TCTN2: variants seen among roughly 807,000 people sequenced by gnomAD.
TCTN2 encodes the protein tectonic-2.
Under a neutral mutation model 83.4 loss-of-function variants are expected in TCTN2, and 66 were observed. The ratio of observed to expected loss-of-function variants is 0.79; its 90% CI spans 0.65 to 0.97. The LOEUF (loss-of-function observed/expected upper bound fraction) is 0.97. TCTN2 is among the 50% of genes least tolerant of loss of function. The pLI, the probability that TCTN2 is intolerant of heterozygous loss-of-function variation, is 0.00. For synonymous variants in TCTN2, 301 were observed against 326.7 expected, an observed-to-expected ratio of 0.92 and a Z score of 0.85; for missense variants, 794 against 858.1, an observed-to-expected ratio of 0.93 and a Z score of 0.93.
At chr12:123,703,154 ATTTTG>A (rs1300336693) in intron 14 of TCTN2, among the ~76,000 whole-genome samples, 1 of 151,516 alleles carries the variant, frequency 6.6e-6, no homozygotes, top group Non-Finnish European at 1.5e-5. Context: ...GTTAGTGTGG[ATTTTG>A]TTTTATTATT....
intron 4 of TCTN2, among the ~76,000 whole-genome samples, chr12:123,675,225 A>G (rs889676621): frequency 1.3e-5 from 2 of 152,170 alleles, no homozygotes; most frequent in Admixed American, 6.5e-5. Context: ...GCCCGTGTAC[A>G]TGAATCTTTG....
At chr12:123,692,756 CA>C in intron 9 of TCTN2, 33 bp downstream of exon 9, 1 of 1,512,116 alleles carries the variant, frequency 6.6e-7, no homozygotes, top group Non-Finnish European at 9.2e-7. Flanking sequence ...GTCATTTCTT[CA>C]GAAACAGATA....
At chr12:123,694,748 T>G in intron 9 of TCTN2, 94 bp from the exon 10 acceptor site, 1 of 1,424,134 alleles carries the variant, frequency 7.0e-7, no homozygotes, top group Non-Finnish European at 9.9e-7. Flanking sequence ...GGCAGGGCAC[T>G]TGGGGAAGGC....
At chr12:123,675,838 A>G (rs2135819024) in intron 4 of TCTN2, among the ~76,000 whole-genome samples, 1 of 152,272 alleles carries the variant, frequency 6.6e-6, no homozygotes, top group South Asian at 2.1e-4. Flanking sequence ...TGTGTTACCC[A>G]CTTAAAAGTT....
chr12:123,696,174 ATT>A (rs11337232), intron 11 of TCTN2: 2,039 of 433,842 alleles, frequency 4.7e-3, no homozygotes, highest in Non-Finnish European at 6.1e-3. Flanking sequence ...ATAACAATGT[ATT>A]TTTTTTTTTT....
intron 15 of TCTN2, among the ~76,000 whole-genome samples, chr12:123,706,409 G>A (rs1018226366): frequency 6.6e-6 from 1 of 152,204 alleles, no homozygotes; most frequent in Non-Finnish European, 1.5e-5. Context: ...GAGAAAAACA[G>A]GTGATGAACA....
intron 14 of TCTN2, chr12:123,700,014 C>G (rs1286041272): frequency 4.7e-6 from 3 of 633,474 alleles, no homozygotes; most frequent in East Asian, 5.6e-5. Flanking sequence ...TTTTGATTTT[C>G]TGTTTTTGTT....
rs1325006397 is a variant in TCTN2 at position 123,674,852 on chromosome 12, G to C, written c.463+1042G>C. On this transcript the variant is annotated intron_variant, in intron 4 of 17. Coordinates refer to ENST00000303372, the MANE Select transcript of TCTN2 (RefSeq NM_024809.5). ...GCTGATGAAGTTTACATCATTTCCA[G>C]CTTTTTTTAAAATTTATTTTTATTT... is the stretch of plus-strand genomic sequence containing the variant. Among the ~76,000 whole-genome samples, 9 of 152,068 alleles carry C rather than the reference G, an allele frequency of 5.9e-5. No homozygotes were observed. The East Asian group carries it at 1.7e-3, about 29-fold the overall frequency.
At chr12:123,695,195 A>T (rs1263694383) in intron 10 of TCTN2, 25 bp from the exon 11 acceptor site, 22 of 1,486,114 alleles carry the variant, frequency 1.5e-5, no homozygotes, top group African/African-American at 1.2e-4. Context: ...GGTGCACATT[A>T]TATTTTATTT....
At chr12:123,688,751 A>G (rs1359429881) in intron 7 of TCTN2, among the ~76,000 whole-genome samples, 3 of 151,204 alleles carry the variant, frequency 2.0e-5, no homozygotes, top group East Asian at 1.9e-4. Context: ...GGAAGTACCT[A>G]TCATTCTTTT....
intron 4 of TCTN2, among the ~76,000 whole-genome samples, chr12:123,675,219 G>A (rs7302649): frequency 0.36 from 54,352 of 152,080 alleles, 10,193 homozygotes; most frequent in African/African-American, 0.41. Flanking sequence ...CGTTATGCCC[G>A]TGTACATGAA....
chr12:123,705,982 C>T (rs1956224077), intron 15 of TCTN2, among the ~76,000 whole-genome samples: 1 of 151,906 alleles, frequency 6.6e-6, no homozygotes, highest in Non-Finnish European at 1.5e-5. Flanking sequence ...TCTTGAACTC[C>T]CAACCTGAGG....
Position 123,673,686 on chromosome 12 carries a change from C to G in TCTN2, c.339C>G (p.Phe113Leu), listed in dbSNP as rs776909705. The G allele has an allele frequency of 1.2e-6, 2 of 1,614,214 alleles. No individual in the cohort carries two copies. Among genetic ancestry groups the G allele is most frequent in the East Asian group, 2.2e-5 (1 of 44,888 alleles). The change falls in exon 4 of 18, where the codon TTC becomes TTG. Residue 113 changes from phenylalanine (F) to leucine (L), a missense_variant. By Grantham distance (22) the Phe-to-Leu change is conservative (BLOSUM62 0). Coordinates refer to ENST00000303372, the MANE Select transcript of TCTN2 (RefSeq NM_024809.5). Reference sequence around the variant, plus strand: ...GTTCCTCCAATGAGACAGATTCCTTCTCAGAGTCCCCCTGTATCCTCCAGA... The same window carrying G: ...GTTCCTCCAATGAGACAGATTCCTTGTCAGAGTCCCCCTGTATCCTCCAGA... ...DWCSSNETDS[F>L]SESPCILQTL...
intron 9 of TCTN2, among the ~76,000 whole-genome samples, chr12:123,693,376 C>CTTTTTTTTTTTTTTTTTT (rs373196834): frequency 5.4e-5 from 5 of 92,942 alleles, no homozygotes; most frequent in Non-Finnish European, 8.2e-5. Context: ...GCTTTCTTTC[C>CTTTTTTTTTTTTTTTTTT]TTTTTTTTTT....
rs373661190 is a variant in TCTN2, at chr12:123,671,603, A to G, written c.179A>G (p.Gln60Arg). The G allele has an allele frequency of 2.5e-6, 4 of 1,612,784 alleles. No homozygotes were observed. The highest frequency in any genetic ancestry group is 3.4e-6 in the Non-Finnish European group (4 of 1,179,934). ...GTGACCGTGTCCCTGGCAGTGCTGC[A>G]GGACGAGGCGGGTAAAGTCCGGCCC... ...EGVTVSLAVL[Q>R]DEAGILPIPT... Residue 60 changes from glutamine (Q) to arginine (R), a missense_variant, in exon 2 of 18, where the codon CAG (glutamine) becomes CGG (arginine). Coordinates refer to ENST00000303372, the MANE Select transcript of TCTN2 (RefSeq NM_024809.5).
intron 14 of TCTN2, 79 bp from the exon 15 acceptor site, chr12:123,704,453 C>T: frequency 2.8e-6 from 4 of 1,443,894 alleles, no homozygotes; most frequent in Non-Finnish European, 3.8e-6. Context: ...GATATTATTC[C>T]CCATTTTGGT....
intron 4 of TCTN2, among the ~76,000 whole-genome samples, chr12:123,677,055 G>A (rs1024676667): frequency 6.6e-5 from 10 of 152,114 alleles, no homozygotes; most frequent in African/African-American, 1.9e-4. Context: ...GTGCACACCT[G>A]TGGTCCCAGC....
intron 2 of TCTN2, 49 bp downstream of exon 2, chr12:123,671,663 G>T (rs530987432): frequency 6.5e-7 from 1 of 1,547,324 alleles, no homozygotes; most frequent in Non-Finnish European, 8.8e-7. Context: ...ACTGGATCCA[G>T]ACCTCCCAAG....
In TCTN2 at chr12:123,679,261, C is replaced by G; in HGVS notation, c.536C>G (p.Ala179Gly). ...TGTCCTTGTAATTTAACAGCTGGAG[C>G]CTGTGATGTTCGCTGCTGCTGTGAC... Reference protein sequence around the residue: ...GPCPCNLTAGACDVRCCCDQE... With the variant: ...GPCPCNLTAGGCDVRCCCDQE... The change falls in exon 5 of 18, where the codon GCC becomes GGC. Residue 179 changes from alanine (A) to glycine (G), a missense_variant. Coordinates refer to ENST00000303372, the MANE Select transcript of TCTN2 (RefSeq NM_024809.5). 6.2e-7 allele frequency: 1 copy of G among 1,613,992 alleles called. No homozygotes were observed. The highest frequency in any genetic ancestry group is 8.5e-7 in the Non-Finnish European group (1 of 1,179,930).
Sources: gnomAD v4.1 joint callset for allele counts (sites outside exome capture counted in the v4.1 genomes callset) on GRCh38, gnomAD v4.1.1 for gene constraint, MANE v1.5 for transcripts, NCBI Gene and HGNC (gene_info 2026-07-23, HGNC 2026-07-21) for gene names.